EIF2AK3: variants seen among roughly 807,000 people sequenced by gnomAD.
EIF2AK3 encodes eukaryotic translation initiation factor 2-alpha kinase 3.
In EIF2AK3, 50 loss-of-function variants were observed where a neutral mutation model predicts 113.5. That is an observed-to-expected ratio of 0.44 (90% CI 0.35 to 0.56). The LOEUF is 0.56. EIF2AK3 is among the 20% of genes least tolerant of loss of function. EIF2AK3 has a pLI of 0.00. For missense variants in EIF2AK3, 1,185 were observed against 1,378.0 expected (o/e 0.86, Z 2.22); for synonymous variants, 448 against 495.4 (o/e 0.90, Z 1.27).
At chr2:88,597,432 T>C (rs1343982341) in intron 2 of EIF2AK3, among the ~76,000 whole-genome samples, 1 of 152,176 alleles carries the variant, frequency 6.6e-6, no homozygotes, top group Non-Finnish European at 1.5e-5. Context: ...AGCTATTATC[T>C]TCTTACTAAA....
intron 1 of EIF2AK3, among the ~76,000 whole-genome samples, chr2:88,625,492 T>C (rs1265398058): frequency 2.0e-5 from 3 of 152,210 alleles, no homozygotes; most frequent in Admixed American, 1.3e-4. Flanking sequence ...CTCACTCCCA[T>C]ACCTCACCTA....
chr2:88,608,712 T>C (rs1396130060), intron 2 of EIF2AK3, among the ~76,000 whole-genome samples: 53 of 127,740 alleles, frequency 4.1e-4, no homozygotes, highest in African/African-American at 1.6e-3. Context: ...TTTTTTTTTT[T>C]TTTTTTTTTT....
intron 13 of EIF2AK3, among the ~76,000 whole-genome samples, chr2:88,572,036 T>C (rs1190657776): frequency 1.3e-5 from 2 of 152,152 alleles, no homozygotes; most frequent in Non-Finnish European, 2.9e-5. Context: ...GCTCATGAAA[T>C]TGAATTTCAT....
At chr2:88,590,151 C>T (rs1454207187) in intron 6 of EIF2AK3, among the ~76,000 whole-genome samples, 2 of 152,146 alleles carry the variant, frequency 1.3e-5, no homozygotes, top group Non-Finnish European at 2.9e-5. Flanking sequence ...AGGAGAATCG[C>T]TTGAACCCAG....
intron 5 of EIF2AK3, 64 bp from the exon 6 acceptor site, chr2:88,590,669 A>T: frequency 1.9e-6 from 3 of 1,584,606 alleles, no homozygotes; most frequent in Non-Finnish European, 2.6e-6. Flanking sequence ...TCCAACCCAT[A>T]AAATACCATT....
intron 14 of EIF2AK3, among the ~76,000 whole-genome samples, chr2:88,563,815 A>T (rs950848897): frequency 1.3e-5 from 2 of 152,204 alleles, no homozygotes; most frequent in East Asian, 1.9e-4. Context: ...GTAGAATTCC[A>T]ATTTTATTTT....
intron 10 of EIF2AK3, among the ~76,000 whole-genome samples, chr2:88,581,176 C>T (rs1178698707): frequency 1.4e-5 from 2 of 143,442 alleles, no homozygotes; most frequent in Non-Finnish European, 3.0e-5. Context: ...ATTGTCGCCA[C>T]TAAAAAACAT....
chr2:88,595,800 C>T (rs752580628), intron 2 of EIF2AK3, 137 bp from the exon 3 acceptor site: 4 of 868,432 alleles, frequency 4.6e-6, no homozygotes, highest in Non-Finnish European at 7.5e-6. Context: ...TCCTGATGTA[C>T]TCCAGCCTCC....
At chr2:88,585,187 AAGAT>A (rs1674689598) in intron 9 of EIF2AK3, among the ~76,000 whole-genome samples, 1 of 152,138 alleles carries the variant, frequency 6.6e-6, no homozygotes, top group African/African-American at 2.4e-5. Context: ...GAAAAATGTG[AAGAT>A]ATCTAGGAGG....
At chr2:88,621,493 G>A (rs1009509127) in intron 1 of EIF2AK3, among the ~76,000 whole-genome samples, 7 of 152,120 alleles carry the variant, frequency 4.6e-5, no homozygotes, top group Admixed American at 1.3e-4. Flanking sequence ...TTGGGGAGAG[G>A]GCGTTATTTC....
intron 1 of EIF2AK3, chr2:88,625,077 C>T (rs1184351481): frequency 6.6e-6 from 1 of 152,366 alleles, no homozygotes; most frequent in Non-Finnish European, 1.5e-5. Context: ...GCATGTGAAT[C>T]ACACGGTGAT....
In EIF2AK3 at chr2:88,585,899, A is replaced by G; in HGVS notation, c.1592T>C (p.Phe531Ser). 6.2e-7 allele frequency: 1 copy of G among 1,614,150 alleles called. No homozygotes were observed. Among genetic ancestry groups the G allele is most frequent in the Non-Finnish European group, 8.5e-7 (1 of 1,179,994 alleles). Residue 531 changes from phenylalanine to serine, a missense_variant, in exon 9 of 17, where the codon TTT becomes TCT. Phe to Ser is a radical substitution (Grantham distance 155). Coordinates refer to ENST00000303236, the MANE Select transcript of EIF2AK3 (RefSeq NM_004836.7). ...AATAAACGTTGTTGCTATGATACAA[A>G]ACAAAATCGTTGCAACTATTTCTTT... is the stretch of plus-strand genomic sequence containing the variant. ...WWKEIVATILFCIIATTFIVR... is the reference protein window; with the variant it reads ...WWKEIVATILSCIIATTFIVR...
chr2:88,598,487 C>T (rs993087470), intron 2 of EIF2AK3, among the ~76,000 whole-genome samples: 1 of 152,054 alleles, frequency 6.6e-6, no homozygotes, highest in African/African-American at 2.4e-5. Flanking sequence ...TGTAGTATTC[C>T]AGCCAAGAAT....
intron 10 of EIF2AK3, among the ~76,000 whole-genome samples, chr2:88,580,253 G>A (rs1031956185): frequency 6.6e-6 from 1 of 152,176 alleles, no homozygotes; most frequent in Non-Finnish European, 1.5e-5. Context: ...TCTCCCTTTA[G>A]TGCTGACTTC....
intron 3 of EIF2AK3, among the ~76,000 whole-genome samples, chr2:88,594,916 G>T (rs1674977461): frequency 6.6e-6 from 1 of 151,418 alleles, no homozygotes; most frequent in East Asian, 1.9e-4. Flanking sequence ...ACCTGAGGCT[G>T]GGCATGGTGG....
chr2:88,590,015 A>C (rs1013100986), intron 6 of EIF2AK3, among the ~76,000 whole-genome samples: 5 of 152,148 alleles, frequency 3.3e-5, no homozygotes, highest in Admixed American at 6.5e-5. Context: ...AGGTGGGTGG[A>C]TCACCTGAGG....
chr2:88,565,398 T>C (rs1329007095), intron 14 of EIF2AK3, among the ~76,000 whole-genome samples: 1 of 150,416 alleles, frequency 6.6e-6, no homozygotes, highest in African/African-American at 2.5e-5. Flanking sequence ...TGGAGCACGG[T>C]GGCATGACCT....
intron 15 of EIF2AK3, among the ~76,000 whole-genome samples, chr2:88,559,510 C>CTGTGTGTGTGTGTGTG (rs141821640): frequency 9.9e-5 from 14 of 141,330 alleles, no homozygotes; most frequent in African/African-American, 2.1e-4. Flanking sequence ...ACCAAGATGA[C>CTGTGTGTGTGTGTGTG]TGTGTGTGTG....
At chr2:88,559,578 G>A (rs1673884934) in intron 15 of EIF2AK3, among the ~76,000 whole-genome samples, 1 of 151,706 alleles carries the variant, frequency 6.6e-6, no homozygotes, top group South Asian at 2.1e-4. Flanking sequence ...ATATGTATGT[G>A]TGGAGGGAGG....
Sources: gnomAD v4.1 joint callset for allele counts (sites outside exome capture counted in the v4.1 genomes callset) on GRCh38, gnomAD v4.1.1 for gene constraint, MANE v1.5 for transcripts, NCBI Gene and HGNC (gene_info 2026-07-23, HGNC 2026-07-21) for gene names.